KCNAB1: variants seen among roughly 807,000 people sequenced by gnomAD.
KCNAB1 encodes voltage-gated potassium channel subunit beta-1.
A neutral mutation model predicts 64.6 loss-of-function variants in KCNAB1; 35 were observed. The ratio of observed to expected loss-of-function variants is 0.54; its 90% CI spans 0.41 to 0.72. The LOEUF is 0.72. Ranked by LOEUF, KCNAB1 falls within the 30% of genes least tolerant of loss-of-function variation. The pLI is 0.00. For missense variants in KCNAB1, 401 were observed against 512.9 expected (o/e 0.78, Z 2.11); for synonymous variants, 177 against 183.8 (o/e 0.96, Z 0.30).
chr3:156,488,638 C>T (rs1408870154), intron 8 of KCNAB1, among the ~76,000 whole-genome samples: 3 of 152,108 alleles, frequency 2.0e-5, no homozygotes, highest in Non-Finnish European at 4.4e-5. Context: ...ACTTACATTT[C>T]AAAAGGATAC....
chr3:156,217,889 C>G (rs1301622555), intron 1 of KCNAB1: 2 of 152,250 alleles, frequency 1.3e-5, no homozygotes, highest in Non-Finnish European at 2.9e-5. Flanking sequence ...GGAGGCAGGA[C>G]TAGCTTGTAG....
intron 1 of KCNAB1, among the ~76,000 whole-genome samples, chr3:156,300,633 T>G (rs1459196763): frequency 6.8e-6 from 1 of 147,942 alleles, no homozygotes; most frequent in African/African-American, 2.4e-5. Context: ...AAAAAATGTT[T>G]TTCATATTTT....
intron 1 of KCNAB1, among the ~76,000 whole-genome samples, chr3:156,179,849 C>T (rs1291609851): frequency 6.6e-6 from 1 of 152,070 alleles, no homozygotes; most frequent in African/African-American, 2.4e-5. Context: ...CTTTCTTGAC[C>T]ATAGTTATGT....
intron 1 of KCNAB1, among the ~76,000 whole-genome samples, chr3:156,189,783 G>A (rs1415025783): frequency 6.6e-6 from 1 of 152,066 alleles, no homozygotes; most frequent in Non-Finnish European, 1.5e-5. Flanking sequence ...TCTCCAAAAG[G>A]TACAGGCAAT....
chr3:156,159,630 C>G (rs74741136), intron 1 of KCNAB1, among the ~76,000 whole-genome samples: 1 of 152,140 alleles, frequency 6.6e-6, no homozygotes, highest in African/African-American at 2.4e-5. Flanking sequence ...TACGCGAAGA[C>G]TAAGTGCACA....
In KCNAB1 at chr3:156,452,791, A is replaced by AT; in HGVS notation, c.320-108_320-107insT. The AT allele has an allele frequency of 1.3e-6, 1 of 747,744 alleles. No individual in the cohort carries two copies. Among genetic ancestry groups the AT allele is most frequent in the Admixed American group, 2.3e-5 (1 of 43,526 alleles). The allele number at this position is 747,744 out of a possible 1,614,324, so 46.3% of individuals were successfully genotyped here. A position where few individuals can be genotyped will look rare whatever the true frequency, so the allele number is the denominator to read the frequency against. On this transcript the variant is annotated intron_variant, in intron 2 of 13. Coordinates refer to ENST00000490337, the MANE Select transcript of KCNAB1 (RefSeq NM_172160.3). The surrounding 1 kb of genome is among the most constrained non-coding windows in gnomAD (Gnocchi z 4.6). ...GCCCCTCATCCAGGTACCTTTGTGA[A>AT]CTACCCATACAACCTATTGAGGTAG...
intron 1 of KCNAB1, among the ~76,000 whole-genome samples, chr3:156,134,174 T>C (rs1346201024): frequency 6.6e-6 from 1 of 152,240 alleles, no homozygotes; most frequent in African/African-American, 2.4e-5. Context: ...TCAGCTATTG[T>C]GCTATGTTAA....
intron 1 of KCNAB1, among the ~76,000 whole-genome samples, chr3:156,288,858 TTTTC>T (rs1434691406): frequency 2.0e-5 from 3 of 152,180 alleles, no homozygotes; most frequent in African/African-American, 4.8e-5. Context: ...ACGTGCAGGA[TTTTC>T]TTTCTTTCTT....
chr3:156,122,041 A>G (rs1051211690), intron 1 of KCNAB1, among the ~76,000 whole-genome samples: 1 of 152,246 alleles, frequency 6.6e-6, no homozygotes, highest in African/African-American at 2.4e-5. Flanking sequence ...TCAAAAATCA[A>G]CATTTAAAAA....
intron 1 of KCNAB1, among the ~76,000 whole-genome samples, chr3:156,357,310 G>A (rs1468942366): frequency 6.6e-6 from 1 of 152,146 alleles, no homozygotes; most frequent in Non-Finnish European, 1.5e-5. Flanking sequence ...ATACTGCAAT[G>A]GGTGGAAACT....
intron 1 of KCNAB1, among the ~76,000 whole-genome samples, chr3:156,214,335 T>G (rs568138902): frequency 8.5e-5 from 13 of 152,272 alleles, no homozygotes; most frequent in Admixed American, 7.8e-4. Context: ...GGGGGCAGTC[T>G]TGTGGGACTG....
At chr3:156,158,171 AAAAATAAAAAATAAATAAATAAAT>A (rs1214817407) in intron 1 of KCNAB1, among the ~76,000 whole-genome samples, 5 of 84,778 alleles carry the variant, frequency 5.9e-5, no homozygotes, top group African/African-American at 2.1e-4. Context: ...TCTCAAAAAA[AAAAATAAAAAATAAATAAATAAAT>A]AAATAAATAA....
At chr3:156,229,854 A>T (rs954409722) in intron 1 of KCNAB1, among the ~76,000 whole-genome samples, 2 of 152,142 alleles carry the variant, frequency 1.3e-5, no homozygotes, top group African/African-American at 4.8e-5. Flanking sequence ...ATTATAATTT[A>T]AAAAGTTTTT....
At chr3:156,381,276 C>A (rs547320707) in intron 1 of KCNAB1, among the ~76,000 whole-genome samples, 24 of 152,102 alleles carry the variant, frequency 1.6e-4, no homozygotes, top group Non-Finnish European at 3.4e-4. Flanking sequence ...GACATTTCTG[C>A]AAAAGGAGAA....
chr3:156,421,488 G>A, intron 1 of KCNAB1, 128 bp from the exon 2 acceptor site: 1 of 831,646 alleles, frequency 1.2e-6, no homozygotes, highest in Non-Finnish European at 1.9e-6. Context: ...CAATATGCCG[G>A]CATCTGTGGT....
intron 1 of KCNAB1, among the ~76,000 whole-genome samples, chr3:156,193,282 T>C (rs923941082): frequency 1.3e-5 from 2 of 152,178 alleles, no homozygotes; most frequent in Admixed American, 1.3e-4. Context: ...GTAGAAACCA[T>C]ACTTTGAGTA....
chr3:156,120,811 A>C lies in KCNAB1; in HGVS notation c.200A>C (p.Glu67Ala), dbSNP rs963657391. The change falls in exon 1 of 14, where the codon GAG (glutamate) becomes GCG (alanine). Residue 67 changes from glutamate (E) to alanine (A), a missense_variant. Coordinates refer to ENST00000490337, the MANE Select transcript of KCNAB1 (RefSeq NM_172160.3). ...CAACTGGCTCTGCTGCGCGAAGTGG[A>C]GATGAACTGGTACCTAAAGCTCTGC... Reference protein sequence around the residue: ...ARQLALLREVEMNWYLKLCDL... With the variant: ...ARQLALLREVAMNWYLKLCDL... 1 of 1,614,222 alleles carries C rather than the reference A, an allele frequency of 6.2e-7. No homozygotes were observed. Among genetic ancestry groups the C allele is most frequent in the Non-Finnish European group, 8.5e-7 (1 of 1,180,042 alleles).
At chr3:156,285,830 T>C (rs1233202471) in intron 1 of KCNAB1, among the ~76,000 whole-genome samples, 2 of 152,240 alleles carry the variant, frequency 1.3e-5, no homozygotes, top group African/African-American at 4.8e-5. Context: ...TCACACTTGC[T>C]TCCTGTAACA....
At chr3:156,169,026 A>C (rs559668452) in intron 1 of KCNAB1, among the ~76,000 whole-genome samples, 1 of 152,214 alleles carries the variant, frequency 6.6e-6, no homozygotes, top group East Asian at 1.9e-4. Flanking sequence ...CTGATGCTAT[A>C]TCATATGAAA....
Sources: gnomAD v4.1 joint callset for allele counts (sites outside exome capture counted in the v4.1 genomes callset) on GRCh38, gnomAD v4.1.1 for gene constraint, Gnocchi (gnomAD v3.1) non-coding constraint, MANE v1.5 for transcripts, NCBI Gene and HGNC (gene_info 2026-07-23, HGNC 2026-07-21) for gene names.